Variants in LINGO2 observed in about 807,000 individuals in gnomAD.
LINGO2 encodes the protein leucine rich repeat and Ig domain containing 2.
LINGO2 carries 14 observed loss-of-function variants against 30.6 expected under a neutral mutation model. The observed-to-expected ratio is 0.46, with a 90% confidence interval of 0.30 to 0.72. The LOEUF (loss-of-function observed/expected upper bound fraction) is 0.72. LINGO2 is among the 30% of genes least tolerant of loss of function. The probability of loss-of-function intolerance (pLI) is 0.07; values close to 1 mark genes in which losing one functional copy is unlikely to be tolerated. For missense variants in LINGO2, 729 were observed against 751.7 expected (o/e 0.97, Z 0.35); for synonymous variants, 317 against 288.5 (o/e 1.10, Z -1.00).
the LINGO2 span, among the ~76,000 whole-genome samples, chr9:28,922,196 A>C: frequency 2.0e-5 from 3 of 152,200 alleles, no homozygotes; most frequent in African/African-American, 7.2e-5. Context: ...CCAATAAACC[A>C]GTCCCACAAT....
chr9:28,136,262 T>G (rs1160838817), intron 4 of LINGO2, among the ~76,000 whole-genome samples: 1 of 152,240 alleles, frequency 6.6e-6, no homozygotes, highest in African/African-American at 2.4e-5. Flanking sequence ...TCAAGGCTGT[T>G]GCTGGCCCAG....
At chr9:28,590,562 C>A (rs944814315) in intron 1 of LINGO2, among the ~76,000 whole-genome samples, 3 of 152,086 alleles carry the variant, frequency 2.0e-5, no homozygotes, top group Non-Finnish European at 4.4e-5. Flanking sequence ...AAAAAATGCT[C>A]ATCATCACTG....
At chr9:28,714,773 A>G in the LINGO2 span, among the ~76,000 whole-genome samples, 1 of 152,132 alleles carries the variant, frequency 6.6e-6, no homozygotes, top group South Asian at 2.1e-4. Context: ...CTAAAATAAA[A>G]TAATTGTTTA....
At chr9:28,612,014 G>T (rs1825940167) in intron 1 of LINGO2, among the ~76,000 whole-genome samples, 1 of 151,690 alleles carries the variant, frequency 6.6e-6, no homozygotes, top group Non-Finnish European at 1.5e-5. Flanking sequence ...TAGAGACAGG[G>T]TTCCTCGGCC....
At chr9:27,971,289 C>T (rs1260134000) in intron 5 of LINGO2, among the ~76,000 whole-genome samples, 1 of 151,930 alleles carries the variant, frequency 6.6e-6, no homozygotes, top group Non-Finnish European at 1.5e-5. Flanking sequence ...CTCTTCCCTT[C>T]CCCATCTTTC....
At chr9:28,296,264 T>C (rs68132319) in intron 3 of LINGO2, among the ~76,000 whole-genome samples, 11,019 of 152,268 alleles carry the variant, frequency 0.072, 731 homozygotes, top group East Asian at 0.39. Flanking sequence ...CAGGATGATA[T>C]TAATGAACAG....
chr9:28,701,180 T>C, the LINGO2 span, among the ~76,000 whole-genome samples: 1 of 152,018 alleles, frequency 6.6e-6, no homozygotes, highest in Non-Finnish European at 1.5e-5. Flanking sequence ...GATTATATAT[T>C]CTTTATTTCA....
At chr9:28,716,422 G>A in the LINGO2 span, among the ~76,000 whole-genome samples, 8 of 151,908 alleles carry the variant, frequency 5.3e-5, no homozygotes, top group African/African-American at 1.4e-4. Context: ...AAGGGGACAG[G>A]GAAAGTAATG....
intron 1 of LINGO2, among the ~76,000 whole-genome samples, chr9:28,633,364 GA>G (rs1451554777): frequency 6.6e-6 from 1 of 152,106 alleles, no homozygotes; most frequent in African/African-American, 2.4e-5. Flanking sequence ...AATGAAAGGT[GA>G]AACCGAGATG....
chr9:28,319,876 C>G (rs775513996), intron 3 of LINGO2, among the ~76,000 whole-genome samples: 7 of 152,026 alleles, frequency 4.6e-5, no homozygotes, highest in Non-Finnish European at 8.8e-5. Context: ...TGCAAGAAAA[C>G]TGATTGAAAA....
intron 3 of LINGO2, among the ~76,000 whole-genome samples, chr9:28,340,838 C>T (rs1017304882): frequency 6.6e-6 from 1 of 152,036 alleles, no homozygotes; most frequent in African/African-American, 2.4e-5. Context: ...GGTTACTCAG[C>T]ACAGTAATAG....
chr9:28,517,409 A>G (rs753486569), intron 1 of LINGO2, among the ~76,000 whole-genome samples: 1 of 151,782 alleles, frequency 6.6e-6, no homozygotes, highest in Non-Finnish European at 1.5e-5. Context: ...CTATTTAATC[A>G]CTCCTTTCAA....
the LINGO2 span, among the ~76,000 whole-genome samples, chr9:28,758,511 T>C: frequency 9.9e-5 from 15 of 152,162 alleles, no homozygotes; most frequent in Admixed American, 7.8e-4. Context: ...ACCAATACAG[T>C]GTGGTTTTTT....
At chr9:28,167,444 G>A (rs1391735656) in intron 4 of LINGO2, among the ~76,000 whole-genome samples, 1 of 152,148 alleles carries the variant, frequency 6.6e-6, no homozygotes, top group Non-Finnish European at 1.5e-5. Context: ...GCAGTGGCAC[G>A]ATCACAGATC....
At chr9:29,078,196 A>G in the LINGO2 span, among the ~76,000 whole-genome samples, 1,017 of 152,114 alleles carry the variant, frequency 6.7e-3, 3 homozygotes, top group Non-Finnish European at 9.5e-3. Context: ...GAGAACCTGT[A>G]GGGTAAAACC....
chr9:28,538,792 C>T (rs532393437), intron 1 of LINGO2, among the ~76,000 whole-genome samples: 18 of 152,112 alleles, frequency 1.2e-4, no homozygotes, highest in Non-Finnish European at 1.9e-4. Flanking sequence ...AAACACCTCC[C>T]GAAAGTCCCC....
chr9:28,506,709 C>T (rs1285783482), intron 1 of LINGO2, among the ~76,000 whole-genome samples: 2 of 151,078 alleles, frequency 1.3e-5, no homozygotes, highest in Non-Finnish European at 3.0e-5. Flanking sequence ...ATATATATCA[C>T]ACAGAAAATG....
At chr9:28,354,614 G>A (rs1305784638) in intron 3 of LINGO2, among the ~76,000 whole-genome samples, 1 of 152,092 alleles carries the variant, frequency 6.6e-6, no homozygotes, top group Non-Finnish European at 1.5e-5. Context: ...TATTGTCAAA[G>A]CTATTTTTGT....
At chr9:28,267,142 T>C (rs949387632) in intron 4 of LINGO2, among the ~76,000 whole-genome samples, 5 of 152,066 alleles carry the variant, frequency 3.3e-5, no homozygotes, top group African/African-American at 4.8e-5. Flanking sequence ...TTTCCTGCTA[T>C]AGCAATGCAG....
Sources: gnomAD v4.1 joint callset for allele counts (sites outside exome capture counted in the v4.1 genomes callset) on GRCh38, gnomAD v4.1.1 for gene constraint, MANE v1.5 for transcripts, NCBI Gene and HGNC (gene_info 2026-07-23, HGNC 2026-07-21) for gene names.